The following USP28 variants were observed in gnomAD, a reference collection of about 807,000 sequenced individuals.
USP28 encodes the protein ubiquitin carboxyl-terminal hydrolase 28.
USP28 carries 113 observed loss-of-function variants against 145.0 expected under a neutral mutation model. That is an observed-to-expected ratio of 0.78 (90% CI 0.67 to 0.91). USP28 has a LOEUF of 0.91. Among genes scored for constraint, USP28 ranks in the 40% least tolerant of loss-of-function variants. The pLI, the probability that USP28 is intolerant of heterozygous loss-of-function variation, is 0.00. For missense variants in USP28, 1,201 were observed against 1,289.6 expected, an observed-to-expected ratio of 0.93 and a Z score of 1.05; for synonymous variants, 447 against 450.9, an observed-to-expected ratio of 0.99 and a Z score of 0.11.
chr11:113,875,229 C>G (rs1382243779), intron 1 of USP28, among the ~76,000 whole-genome samples: 1 of 152,158 alleles, frequency 6.6e-6, no homozygotes, highest in Non-Finnish European at 1.5e-5. Flanking sequence ...CCTACAACTT[C>G]AGCTCGCCCA....
At chr11:113,860,871 C>A (rs1947604801) in intron 1 of USP28, among the ~76,000 whole-genome samples, 1 of 151,664 alleles carries the variant, frequency 6.6e-6, no homozygotes, top group Non-Finnish European at 1.5e-5. Flanking sequence ...GTAATCCCAG[C>A]ACTTTGGGAG....
chr11:113,814,821 G>A (rs1026074574), intron 14 of USP28, among the ~76,000 whole-genome samples: 13 of 151,844 alleles, frequency 8.6e-5, no homozygotes, highest in African/African-American at 3.1e-4. Flanking sequence ...GGCCAAGGCA[G>A]GCAGATCAGT....
chr11:113,844,456 A>T (rs918746632), intron 3 of USP28, among the ~76,000 whole-genome samples: 1 of 151,986 alleles, frequency 6.6e-6, no homozygotes. Context: ...AAAAAGAAAA[A>T]AAAAAGAAGA....
intron 20 of USP28, 46 bp downstream of exon 21, chr11:113,804,821 CT>C: frequency 1.2e-6 from 2 of 1,611,396 alleles, no homozygotes; most frequent in Non-Finnish European, 1.7e-6. Context: ...AGGAGTCCAT[CT>C]AGCCCAACCC....
At chr11:113,821,243 C>A in intron 12 of USP28, 1 of 223,916 alleles carries the variant, frequency 4.5e-6, no homozygotes, top group South Asian at 8.2e-5. Context: ...TCTGGCAGTC[C>A]ACAGTGTGGC....
exon 12 of USP28, chr11:113,823,660 C>T (rs571120758): frequency 6.2e-7 from 1 of 1,612,586 alleles, no homozygotes; most frequent in African/African-American, 1.3e-5. Flanking sequence ...CGAATACACT[C>T]TCTCTTATTT....
At chr11:113,817,698 A>G in exon 13 of USP28, 1 of 1,614,248 alleles carries the variant, frequency 6.2e-7, no homozygotes, top group Non-Finnish European at 8.5e-7. Flanking sequence ...CAGTGCACTG[A>G]AGAAAGTGGT....
chr11:113,816,934 T>C lies in USP28; in HGVS notation c.1463+724A>G, dbSNP rs780868748. On this transcript the variant is annotated intron_variant, in intron 13 of 24. Coordinates refer to ENST00000003302, the Ensembl canonical transcript of USP28. ...GGTATGTTCTATCCAAATAAGCATT[T>C]CTATGCATACATGGATGAATAAATA... is the stretch of plus-strand genomic sequence containing the variant. Among the ~76,000 whole-genome samples the C allele has an allele frequency of 9.2e-5, 14 of 152,222 alleles. No individual in the cohort carries two copies. In the South Asian group the frequency reaches 1.0e-3, roughly 11 times the overall value.
chr11:113,822,492 G>T (rs1015044309), intron 12 of USP28: 2 of 144,608 alleles, frequency 1.4e-5, no homozygotes, highest in African/African-American at 2.5e-5. Context: ...GAGAGAGAGA[G>T]AGAGAGAGAT....
intron 11 of USP28, among the ~76,000 whole-genome samples, chr11:113,827,008 G>T (rs866757514): frequency 3.3e-5 from 5 of 151,864 alleles, no homozygotes; most frequent in Middle Eastern, 3.5e-3. Flanking sequence ...CCCCCAAAAG[G>T]AGGAGGGCTT....
At chr11:113,852,323 C>T (rs1161442830) in intron 3 of USP28, among the ~76,000 whole-genome samples, 178 bp downstream of exon 3, 2 of 152,224 alleles carry the variant, frequency 1.3e-5, no homozygotes, top group South Asian at 2.1e-4. Flanking sequence ...CCACTGCACC[C>T]GGCCAGAACT....
At chr11:113,846,166 G>A (rs1284485153) in intron 3 of USP28, among the ~76,000 whole-genome samples, 1 of 152,086 alleles carries the variant, frequency 6.6e-6, no homozygotes, top group African/African-American at 2.4e-5. Context: ...GTAGAATGGA[G>A]GACAGAAAAA....
chr11:113,806,371 C>T (rs1369930867), intron 19 of USP28, 118 bp downstream of exon 20: 1 of 782,270 alleles, frequency 1.3e-6, no homozygotes, highest in African/African-American at 1.8e-5. Context: ...GTAGCTGGGA[C>T]TACATGCACA....
intron 14 of USP28, among the ~76,000 whole-genome samples, chr11:113,814,217 G>T (rs893897642): frequency 1.3e-5 from 2 of 152,274 alleles, no homozygotes; most frequent in East Asian, 3.9e-4. Context: ...TTTAGGAAAA[G>T]ATCTTAATGG....
At chr11:113,841,050 A>G (rs181170120) in intron 4 of USP28, among the ~76,000 whole-genome samples, 1 of 152,326 alleles carries the variant, frequency 6.6e-6, no homozygotes, top group Admixed American at 6.5e-5. Flanking sequence ...TTAGATTTCA[A>G]CACAGTGTAC....
chr11:113,857,665 A>G (rs1403009743), intron 1 of USP28, among the ~76,000 whole-genome samples: 1 of 152,204 alleles, frequency 6.6e-6, no homozygotes, highest in African/African-American at 2.4e-5. Flanking sequence ...GATCTCAGAG[A>G]TCTCAGAATG....
chr11:113,852,574 C>T (rs1946591489), exon 3 of USP28: 2 of 1,614,156 alleles, frequency 1.2e-6, no homozygotes, highest in South Asian at 1.1e-5. Flanking sequence ...CTTGACTGGG[C>T]TCCTTAACTC....
intron 1 of USP28, among the ~76,000 whole-genome samples, chr11:113,858,173 C>T (rs1265979492): frequency 1.3e-5 from 2 of 152,052 alleles, no homozygotes; most frequent in African/African-American, 4.8e-5. Context: ...GCCTAGTGAC[C>T]TTTTTTTAAA....
intron 16 of USP28, 118 bp from the exon 17 acceptor site, chr11:113,809,372 T>C (rs1591509654): frequency 8.2e-6 from 8 of 979,114 alleles, no homozygotes; most frequent in East Asian, 7.2e-5. Context: ...TACATGCACA[T>C]AGAATCCATC....
Sources: gnomAD v4.1 joint callset for allele counts (sites outside exome capture counted in the v4.1 genomes callset) on GRCh38, gnomAD v4.1.1 for gene constraint, MANE v1.5 for transcripts, NCBI Gene and HGNC (gene_info 2026-07-23, HGNC 2026-07-21) for gene names.